The following PRKCB variants were observed in gnomAD, a reference collection of about 807,000 sequenced individuals.
The protein encoded by PRKCB is protein kinase C beta.
PRKCB carries 13 observed loss-of-function variants against 81.5 expected under a neutral mutation model. The ratio of observed to expected loss-of-function variants is 0.16; its 90% CI spans 0.10 to 0.25. PRKCB has a LOEUF of 0.25. Ranked by LOEUF, PRKCB falls within the 10% of genes least tolerant of loss-of-function variation. PRKCB has a pLI of 1.00. For synonymous variants in PRKCB, 335 were observed against 321.4 expected, an observed-to-expected ratio of 1.04 and a Z score of -0.45; for missense variants, 509 against 875.7, an observed-to-expected ratio of 0.58 and a Z score of 5.29.
intron 2 of PRKCB, among the ~76,000 whole-genome samples, chr16:23,986,732 T>TC (rs1964808842): frequency 6.6e-6 from 1 of 152,130 alleles, no homozygotes. Flanking sequence ...CTCTATCTCT[T>TC]CCTCTGTTGA....
intron 16 of PRKCB, among the ~76,000 whole-genome samples, chr16:24,206,030 A>C (rs1968040526): frequency 6.6e-6 from 1 of 152,200 alleles, no homozygotes; most frequent in Admixed American, 6.5e-5. Flanking sequence ...AATTAAGAAA[A>C]GCAAGAGCAA....
In PRKCB at chr16:24,035,963, A is replaced by C. The variant is rs573793592; in HGVS notation, c.529+416A>C. On this transcript the variant is annotated intron_variant, in intron 5 of 16. Transcript: ENST00000643927. ...GCTTGCTTCTTCCGCAAACTTTTCCAGCAGGAAAAATGGAGTCTTGATGAT... is the reference window on the plus strand; with the variant it reads ...GCTTGCTTCTTCCGCAAACTTTTCCCGCAGGAAAAATGGAGTCTTGATGAT... Among the ~76,000 whole-genome samples the C allele has an allele frequency of 3.3e-5, 5 of 152,276 alleles. No homozygotes were observed. The East Asian group carries it at 9.6e-4, about 29-fold the overall frequency.
chr16:24,174,118 T>C, intron 11 of PRKCB: 1 of 171,746 alleles, frequency 5.8e-6, no homozygotes, highest in South Asian at 1.4e-4. Context: ...CAAGCGATCC[T>C]CTTGCCTCAG....
chr16:23,842,677 G>A (rs1962287636), intron 2 of PRKCB, among the ~76,000 whole-genome samples: 1 of 152,078 alleles, frequency 6.6e-6, no homozygotes, highest in African/African-American at 2.4e-5. Flanking sequence ...GAGTAAGTTG[G>A]CTCTTCCTTT....
At chr16:24,123,229 A>G (rs1567382869) in intron 8 of PRKCB, among the ~76,000 whole-genome samples, 1 of 152,162 alleles carries the variant, frequency 6.6e-6, no homozygotes, top group Non-Finnish European at 1.5e-5. Flanking sequence ...AGGGGAGAGA[A>G]TAGCCATTTG....
chr16:24,117,970 G>A (rs1262177372), intron 8 of PRKCB, among the ~76,000 whole-genome samples: 1 of 152,234 alleles, frequency 6.6e-6, no homozygotes, highest in Non-Finnish European at 1.5e-5. Flanking sequence ...TGTGCGCTGT[G>A]CCCGCTCCTA....
chr16:24,170,632 G>T (rs1344676041), intron 10 of PRKCB, among the ~76,000 whole-genome samples: 1 of 152,140 alleles, frequency 6.6e-6, no homozygotes, highest in African/African-American at 2.4e-5. Flanking sequence ...GTTGCCCAAG[G>T]GCCAAAACAC....
intron 2 of PRKCB, among the ~76,000 whole-genome samples, chr16:23,974,517 G>A (rs1481948272): frequency 6.6e-6 from 1 of 152,182 alleles, no homozygotes; most frequent in Non-Finnish European, 1.5e-5. Context: ...CAGGACTGAG[G>A]CAGGCCGACT....
chr16:24,073,108 T>C (rs1288832003), intron 5 of PRKCB, among the ~76,000 whole-genome samples: 1 of 152,162 alleles, frequency 6.6e-6, no homozygotes, highest in Non-Finnish European at 1.5e-5. Flanking sequence ...TTGGATGTGA[T>C]CTGATAATGA....
At chr16:24,017,789 G>C (rs1336466066) in intron 3 of PRKCB, among the ~76,000 whole-genome samples, 1 of 152,068 alleles carries the variant, frequency 6.6e-6, no homozygotes, top group African/African-American at 2.4e-5. Flanking sequence ...GAGTGCAGTG[G>C]TGTGATCCTG....
intron 10 of PRKCB, among the ~76,000 whole-genome samples, chr16:24,165,991 A>G (rs1208556718): frequency 3.4e-5 from 5 of 146,494 alleles, no homozygotes; most frequent in African/African-American, 1.3e-4. Flanking sequence ...GGATCAAGCC[A>G]TTCTTGTGCC....
At chr16:24,141,806 C>G (rs1966905608) in intron 9 of PRKCB, among the ~76,000 whole-genome samples, 1 of 152,216 alleles carries the variant, frequency 6.6e-6, no homozygotes, top group Non-Finnish European at 1.5e-5. Context: ...TAAGCACAGA[C>G]AGTATGACCT....
intron 2 of PRKCB, among the ~76,000 whole-genome samples, chr16:23,976,967 T>C (rs1243488579): frequency 6.6e-6 from 1 of 152,348 alleles, no homozygotes; most frequent in East Asian, 1.9e-4. Flanking sequence ...TTATCTTGCT[T>C]AGTTAAATAA....
At chr16:24,186,537 A>G (rs1056607492) in intron 15 of PRKCB, among the ~76,000 whole-genome samples, 1 of 152,266 alleles carries the variant, frequency 6.6e-6, no homozygotes, top group Non-Finnish European at 1.5e-5. Flanking sequence ...AGGTTAGAAC[A>G]TGGCCGTGCC....
intron 2 of PRKCB, among the ~76,000 whole-genome samples, chr16:23,927,109 G>C (rs1292691275): frequency 1.3e-5 from 2 of 152,138 alleles, no homozygotes; most frequent in Non-Finnish European, 2.9e-5. Context: ...TGAGATATGT[G>C]CTGTGATGGC....
chr16:23,898,704 A>G (rs907924896), intron 2 of PRKCB, among the ~76,000 whole-genome samples: 1 of 152,166 alleles, frequency 6.6e-6, no homozygotes, highest in Non-Finnish European at 1.5e-5. Flanking sequence ...AGGCCTTGGG[A>G]TAGGAAGGGG....
chr16:24,193,797 A>T (rs1967835736), intron 16 of PRKCB, among the ~76,000 whole-genome samples: 1 of 152,122 alleles, frequency 6.6e-6, no homozygotes, highest in Admixed American at 6.6e-5. Flanking sequence ...GCCAGAGAGC[A>T]GGTGATCTAC....
intron 2 of PRKCB, among the ~76,000 whole-genome samples, chr16:23,900,456 A>T (rs1332542939): frequency 6.6e-6 from 1 of 152,192 alleles, no homozygotes; most frequent in Non-Finnish European, 1.5e-5. Flanking sequence ...TCCTACAGGT[A>T]CAACAAGGTA....
At position 23,836,106 on chromosome 16, in the gene PRKCB, C is replaced by G; in HGVS notation, c.-70C>G. ...AGCGGCCGCCGCCTCCCGCGCCTCC[C>G]CGGCCCGCAGCCCGCGGTCCCGCGG... On this transcript the variant is annotated 5_prime_UTR_variant, in exon 1 of 17. Coordinates refer to ENST00000643927, the MANE Select transcript of PRKCB (RefSeq NM_002738.7). 9.2e-7 allele frequency: 1 copy of G among 1,086,792 alleles called. No individual in the cohort carries two copies. Among genetic ancestry groups the G allele is most frequent in the Non-Finnish European group, 1.1e-6 (1 of 888,204 alleles). 67.3% of individuals were successfully genotyped at this position (1,086,792 alleles called of 1,614,324 possible).
Sources: allele counts gnomAD v4.1 joint callset (sites outside exome capture counted in the v4.1 genomes callset), GRCh38; gene constraint gnomAD v4.1.1; transcripts MANE v1.5; gene names NCBI Gene and HGNC (gene_info 2026-07-23, HGNC 2026-07-21).